SUCLA2: variants seen among roughly 807,000 people sequenced by gnomAD.
SUCLA2 encodes succinate-CoA ligase ADP-forming subunit beta, also known as succinate--CoA ligase [ADP-forming] subunit beta, mitochondrial.
Under a neutral mutation model 54.8 loss-of-function variants are expected in SUCLA2, and 30 were observed. The ratio of observed to expected loss-of-function variants is 0.55; its 90% CI spans 0.41 to 0.74. The LOEUF (loss-of-function observed/expected upper bound fraction) is 0.74, where lower values mean the gene tolerates loss of function less well. SUCLA2 is among the 30% of genes least tolerant of loss of function. The probability of loss-of-function intolerance (pLI) is 0.00; values close to 1 mark genes in which losing one functional copy is unlikely to be tolerated. For missense variants in SUCLA2, 476 were observed against 562.9 expected, an observed-to-expected ratio of 0.85 and a Z score of 1.56; for synonymous variants, 172 against 188.9, an observed-to-expected ratio of 0.91 and a Z score of 0.74.
chr13:47,966,525 T>TTA (rs1555257462), intron 6 of SUCLA2, among the ~76,000 whole-genome samples: 31 of 141,246 alleles, frequency 2.2e-4, no homozygotes, highest in Non-Finnish European at 1.5e-4. Flanking sequence ...TTGCCGTTTT[T>TTA]AAAAAAAAAA....
At chr13:47,980,666 G>C (rs946083876) in intron 4 of SUCLA2, among the ~76,000 whole-genome samples, 1 of 151,314 alleles carries the variant, frequency 6.6e-6, no homozygotes, top group African/African-American at 2.4e-5. Flanking sequence ...AAAGAAACTA[G>C]AGGCCTCACA....
chr13:47,960,524 T>A (rs1012058750), intron 6 of SUCLA2, among the ~76,000 whole-genome samples: 1 of 152,184 alleles, frequency 6.6e-6, no homozygotes, highest in Non-Finnish European at 1.5e-5. Flanking sequence ...ATATCCAAGA[T>A]AATTCAATTC....
At chr13:47,982,981 A>G (rs1472501762) in intron 4 of SUCLA2, among the ~76,000 whole-genome samples, 1 of 152,220 alleles carries the variant, frequency 6.6e-6, no homozygotes, top group Non-Finnish European at 1.5e-5. Flanking sequence ...CTAGCTAGTC[A>G]GAAATGAGGG....
chr13:47,989,233 C>G (rs954200578), intron 2 of SUCLA2, among the ~76,000 whole-genome samples: 1 of 123,846 alleles, frequency 8.1e-6, no homozygotes, highest in African/African-American at 3.0e-5. Context: ...TTTTTTGAAA[C>G]AGAGTCTCGC....
chr13:47,962,759 T>A (rs893339322), intron 6 of SUCLA2, among the ~76,000 whole-genome samples: 1 of 152,132 alleles, frequency 6.6e-6, no homozygotes, highest in Non-Finnish European at 1.5e-5. Context: ...GAGGAACTGA[T>A]AAATAGAAAG....
intron 4 of SUCLA2, among the ~76,000 whole-genome samples, chr13:47,983,160 A>C (rs528200105): frequency 6.6e-6 from 1 of 152,324 alleles, no homozygotes; most frequent in South Asian, 2.1e-4. Context: ...GAGCCTTCTG[A>C]GGCTAAAGAA....
At chr13:47,963,656 AC>A (rs1462183451) in intron 6 of SUCLA2, among the ~76,000 whole-genome samples, 12 of 19,176 alleles carry the variant, frequency 6.3e-4, no homozygotes, top group African/African-American at 1.7e-3. Flanking sequence ...AAACAAACAA[AC>A]AAAAAAAAAA....
intron 10 of SUCLA2, among the ~76,000 whole-genome samples, chr13:47,945,028 G>A (rs949976488): frequency 6.6e-6 from 1 of 151,932 alleles, no homozygotes; most frequent in Non-Finnish European, 1.5e-5. Context: ...GAGGCAGGTG[G>A]ATCACAAAGT....
chr13:47,954,070 A>T, intron 8 of SUCLA2, 70 bp downstream of exon 8: 1 of 1,242,868 alleles, frequency 8.0e-7, no homozygotes, highest in Non-Finnish European at 1.0e-6. Flanking sequence ...AAACATAAAA[A>T]TATACATTTT....
intron 6 of SUCLA2, among the ~76,000 whole-genome samples, chr13:47,966,811 TGGATGAGCCTA>T (rs1949923313): frequency 6.6e-6 from 1 of 151,748 alleles, no homozygotes; most frequent in Admixed American, 6.6e-5. Flanking sequence ...GTACATGCGT[TGGATGAGCCTA>T]GGCAACATAT....
At chr13:47,992,388 C>CAAAAAAA (rs35103136) in intron 2 of SUCLA2, among the ~76,000 whole-genome samples, 4 of 93,072 alleles carry the variant, frequency 4.3e-5, no homozygotes, top group Admixed American at 1.3e-4. Flanking sequence ...ACAACGAAAG[C>CAAAAAAA]AAAAAAAAAA....
intron 8 of SUCLA2, among the ~76,000 whole-genome samples, chr13:47,951,502 A>G (rs1223606441): frequency 6.6e-6 from 1 of 152,144 alleles, no homozygotes; most frequent in Admixed American, 6.5e-5. Context: ...ACTTCAAACA[A>G]TGCATCTTTG....
intron 10 of SUCLA2, among the ~76,000 whole-genome samples, chr13:47,944,300 A>G (rs1836097105): frequency 6.6e-6 from 1 of 152,194 alleles, no homozygotes; most frequent in Admixed American, 6.5e-5. Context: ...CTCAATAAAC[A>G]GTAGTAACTG....
At chr13:48,000,383 C>T (rs1950220925) in intron 1 of SUCLA2, among the ~76,000 whole-genome samples, 1 of 152,204 alleles carries the variant, frequency 6.6e-6, no homozygotes, top group Admixed American at 6.5e-5. Flanking sequence ...TTTGATCTTA[C>T]CTCCTATATG....
At chr13:47,992,887 T>C (rs1373364133) in intron 2 of SUCLA2, among the ~76,000 whole-genome samples, 1 of 152,200 alleles carries the variant, frequency 6.6e-6, no homozygotes, top group Non-Finnish European at 1.5e-5. Context: ...TTAAATATAC[T>C]AGAAGCCAAA....
At chr13:47,990,159 C>A (rs1429641176) in intron 2 of SUCLA2, among the ~76,000 whole-genome samples, 1 of 152,112 alleles carries the variant, frequency 6.6e-6, no homozygotes, top group Non-Finnish European at 1.5e-5. Context: ...ACCAGACTAG[C>A]CAATATGGTG....
At chr13:47,976,972 T>C (rs1259677189) in intron 4 of SUCLA2, among the ~76,000 whole-genome samples, 2 of 146,566 alleles carry the variant, frequency 1.4e-5, no homozygotes, top group African/African-American at 2.5e-5. Flanking sequence ...TCATAAAGAT[T>C]AGAGCAGAAA....
intron 2 of SUCLA2, 87 bp downstream of exon 2, chr13:47,996,756 T>C: frequency 7.7e-7 from 1 of 1,305,612 alleles, no homozygotes; most frequent in Non-Finnish European, 1.1e-6. Flanking sequence ...AAAAAAAAGC[T>C]AAAAGTTGTT....
At chr13:47,955,698 CT>C (rs999094553) in intron 6 of SUCLA2, among the ~76,000 whole-genome samples, 1 of 152,014 alleles carries the variant, frequency 6.6e-6, no homozygotes, top group Non-Finnish European at 1.5e-5. Context: ...AATTTTTTTC[CT>C]GCCATTCTCT....
Sources: gnomAD v4.1 joint callset for allele counts (sites outside exome capture counted in the v4.1 genomes callset) on GRCh38, gnomAD v4.1.1 for gene constraint, MANE v1.5 for transcripts, NCBI Gene and HGNC (gene_info 2026-07-23, HGNC 2026-07-21) for gene names.